The following XPO7 variants were observed in gnomAD, a reference collection of about 807,000 sequenced individuals.
The protein encoded by XPO7 is exportin-7.
A neutral mutation model predicts 144.3 loss-of-function variants in XPO7; 21 were observed. The ratio of observed to expected loss-of-function variants is 0.15; its 90% confidence interval spans 0.10 to 0.21. The LOEUF (loss-of-function observed/expected upper bound fraction) is 0.21, where lower values mean the gene tolerates loss of function less well. Ranked by LOEUF, XPO7 falls within the 10% of genes least tolerant of loss-of-function variation. The pLI is 1.00. For synonymous variants in XPO7, 580 were observed against 499.6 expected (o/e 1.16, Z -2.15); for missense variants, 808 against 1,325.8 (o/e 0.61, Z 6.06).
At chr8:21,942,383 C>T (rs1416891017) in intron 1 of XPO7, among the ~76,000 whole-genome samples, 1 of 152,136 alleles carries the variant, frequency 6.6e-6, no homozygotes, top group Non-Finnish European at 1.5e-5. Flanking sequence ...CCATCTTAAA[C>T]CCATTTTAGA....
intron 1 of XPO7, among the ~76,000 whole-genome samples, chr8:21,951,865 C>T (rs774359276): frequency 7.9e-5 from 12 of 152,242 alleles, no homozygotes; most frequent in Non-Finnish European, 1.5e-4. Context: ...TTACAGCTGT[C>T]GATCCTAATG....
chr8:21,953,475 T>C (rs898435911), intron 1 of XPO7, among the ~76,000 whole-genome samples: 1 of 152,252 alleles, frequency 6.6e-6, no homozygotes, highest in African/African-American at 2.4e-5. Flanking sequence ...AAAACTGCTA[T>C]AAACATTTGT....
chr8:21,957,123 C>G (rs1811561011), intron 1 of XPO7, among the ~76,000 whole-genome samples: 1 of 151,750 alleles, frequency 6.6e-6, no homozygotes. Context: ...ATCTTCCAAA[C>G]TCCTGCCTAA....
At chr8:21,932,072 C>A (rs1036332786) in intron 1 of XPO7, among the ~76,000 whole-genome samples, 2 of 152,078 alleles carry the variant, frequency 1.3e-5, no homozygotes, top group Non-Finnish European at 2.9e-5. Flanking sequence ...CGGAGTTTCA[C>A]CGTGTTGGCC....
chr8:21,926,259 G>T (rs1810455028), intron 1 of XPO7, among the ~76,000 whole-genome samples: 1 of 152,136 alleles, frequency 6.6e-6, no homozygotes, highest in Admixed American at 6.5e-5. Context: ...TCTTATAACT[G>T]TAGTGGCCTT....
At chr8:21,936,413 CCT>C (rs1453865637) in intron 1 of XPO7, among the ~76,000 whole-genome samples, 1 of 152,026 alleles carries the variant, frequency 6.6e-6, no homozygotes, top group African/African-American at 2.4e-5. Flanking sequence ...AGATTTCTGC[CCT>C]GTGAAGAATG....
intron 1 of XPO7, among the ~76,000 whole-genome samples, chr8:21,947,684 C>A (rs933429862): frequency 2.6e-5 from 4 of 152,028 alleles, no homozygotes; most frequent in African/African-American, 4.8e-5. Context: ...GCAAGCAAAG[C>A]ACTAATCATA....
chr8:21,982,068 C>A (rs1015751918), intron 10 of XPO7, among the ~76,000 whole-genome samples, 191 bp downstream of exon 10: 20 of 152,046 alleles, frequency 1.3e-4, no homozygotes, highest in African/African-American at 4.8e-4. Context: ...GGGAGAGGAA[C>A]ATGTGGGAAT....
chr8:21,997,466 G>C (rs1812989675), intron 21 of XPO7, among the ~76,000 whole-genome samples: 1 of 152,196 alleles, frequency 6.6e-6, no homozygotes, highest in African/African-American at 2.4e-5. Context: ...GAAAGATTCT[G>C]GTAGCCCTGC....
In XPO7 at chr8:21,970,266, T is replaced by G; in HGVS notation, c.382T>G (p.Tyr128Asp). 1 of 1,613,816 alleles carries G rather than the reference T, an allele frequency of 6.2e-7. No individual in the cohort carries two copies. Among genetic ancestry groups the G allele is most frequent in the South Asian group, 1.1e-5 (1 of 91,080 alleles). ...CTGGTTTGACTGTCAGAAGGATGAC[T>G]ATGTCTTCAGAAATGCAATCACAGA... The part of the protein sequence containing the change: ...LGWFDCQKDD[Y>D]VFRNAITDVT... The change falls in exon 4 of 28, where the codon TAT (tyrosine) becomes GAT (aspartate). Residue 128 changes from tyrosine (Y) to aspartate (D), a missense_variant. Tyr to Asp is a radical substitution (Grantham distance 160, BLOSUM62 -3). Around this residue, in one of 5 missense-constraint regions of XPO7, gnomAD observed 223 missense variants for 368.8 expected, o/e 0.60. Transcript: ENST00000252512.
At chr8:21,991,846 C>A in intron 18 of XPO7, 22 bp from the exon 19 acceptor site, 1 of 1,593,158 alleles carries the variant, frequency 6.3e-7, no homozygotes, top group African/African-American at 1.3e-5. Context: ...TGGGGTTACA[C>A]CCTGGGATGT....
chr8:21,952,391 A>C (rs1338279168), intron 1 of XPO7, among the ~76,000 whole-genome samples: 2 of 152,180 alleles, frequency 1.3e-5, no homozygotes, highest in Non-Finnish European at 2.9e-5. Context: ...GAAGTATGTC[A>C]GAATTGTATT....
At chr8:21,927,643 T>G (rs1810503551) in intron 1 of XPO7, among the ~76,000 whole-genome samples, 1 of 151,372 alleles carries the variant, frequency 6.6e-6, no homozygotes, top group South Asian at 2.1e-4. Flanking sequence ...CCTCCCGGGT[T>G]CAAGCAGTTC....
chr8:21,946,374 A>G (rs1009442609), intron 1 of XPO7, among the ~76,000 whole-genome samples: 2 of 152,196 alleles, frequency 1.3e-5, no homozygotes, highest in Non-Finnish European at 2.9e-5. Flanking sequence ...AGTTTAAAAT[A>G]TAACAGGTGA....
chr8:21,969,252 G>A (rs927958449), intron 2 of XPO7, among the ~76,000 whole-genome samples: 1 of 152,134 alleles, frequency 6.6e-6, no homozygotes, highest in Non-Finnish European at 1.5e-5. Flanking sequence ...GATTCAGCTT[G>A]ATCAGACGGT....
intron 21 of XPO7, among the ~76,000 whole-genome samples, chr8:21,996,813 G>T (rs1239884738): frequency 1.3e-5 from 2 of 151,922 alleles, no homozygotes; most frequent in African/African-American, 4.8e-5. Flanking sequence ...TATTTATTTA[G>T]TTAGTTATGT....
intron 1 of XPO7, among the ~76,000 whole-genome samples, chr8:21,955,747 T>TTTTTTTA (rs1811515198): frequency 1.6e-5 from 2 of 121,396 alleles, no homozygotes; most frequent in Non-Finnish European, 3.6e-5. Flanking sequence ...TTTTTTTTTT[T>TTTTTTTA]GAGATGGAGT....
rs190823286 is a variant in XPO7 at position 21,925,124 on chromosome 8, A to G, written c.18+5336A>G. Among the ~76,000 whole-genome samples, 1,137 of 152,352 alleles carry G rather than the reference A, an allele frequency of 7.5e-3. 13 individuals carry two copies. Among genetic ancestry groups the G allele is most frequent in the African/African-American group, 0.026 (1,088 of 41,572 alleles). On this transcript the variant is annotated intron_variant, in intron 1 of 27. Coordinates refer to ENST00000252512, the MANE Select transcript of XPO7 (RefSeq NM_015024.5). ...CCATTCCAATACATGTCTGGAATAC[A>G]TTCATTCCTAACATTTATAGTGACT...
chr8:21,979,407 T>C (rs1443531055), intron 8 of XPO7, among the ~76,000 whole-genome samples: 2 of 151,134 alleles, frequency 1.3e-5, no homozygotes, highest in East Asian at 3.9e-4. Flanking sequence ...CTTTTTTTTT[T>C]TCGTTTTTTT....
Sources: allele counts gnomAD v4.1 joint callset (sites outside exome capture counted in the v4.1 genomes callset), GRCh38; gene constraint gnomAD v4.1.1; regional missense constraint gnomAD v4.1.1; transcripts MANE v1.5; gene names NCBI Gene and HGNC (gene_info 2026-07-23, HGNC 2026-07-21).